SORCS2: variants seen among roughly 807,000 people sequenced by gnomAD.
SORCS2 encodes the protein sortilin related VPS10 domain containing receptor 2, also known as VPS10 domain-containing receptor SorCS2.
In SORCS2, 100 loss-of-function variants were observed where a neutral mutation model predicts 141.6. That is an observed-to-expected ratio of 0.71 (90% CI 0.60 to 0.83). SORCS2 has a LOEUF of 0.83. Ranked by LOEUF, SORCS2 falls within the 40% of genes least tolerant of loss-of-function variation. The probability of loss-of-function intolerance (pLI) is 0.00; values close to 1 mark genes in which losing one functional copy is unlikely to be tolerated. For missense variants in SORCS2, 1,646 were observed against 1,560.2 expected, an observed-to-expected ratio of 1.05 and a Z score of -0.93; for synonymous variants, 789 against 676.9, an observed-to-expected ratio of 1.17 and a Z score of -2.57.
At chr4:7,700,540 C>A (rs1444063123) in intron 12 of SORCS2, among the ~76,000 whole-genome samples, 4 of 152,208 alleles carry the variant, frequency 2.6e-5, no homozygotes, top group Non-Finnish European at 5.9e-5. Flanking sequence ...TCATAGTCCC[C>A]TAAAATCTGT....
chr4:7,646,581 G>T (rs1448024667), intron 4 of SORCS2, among the ~76,000 whole-genome samples: 1 of 152,104 alleles, frequency 6.6e-6, no homozygotes, highest in Non-Finnish European at 1.5e-5. Context: ...AGAGAGCTAT[G>T]ATTGCACCAC....
At chr4:7,604,084 G>C (rs1481881832) in intron 3 of SORCS2, among the ~76,000 whole-genome samples, 1 of 152,150 alleles carries the variant, frequency 6.6e-6, no homozygotes, top group African/African-American at 2.4e-5. Context: ...GCTCTGGTGT[G>C]TGTGTGTGTA....
intron 1 of SORCS2, among the ~76,000 whole-genome samples, chr4:7,302,975 G>A (rs995052681): frequency 2.6e-5 from 4 of 152,264 alleles, no homozygotes; most frequent in East Asian, 1.9e-4. Flanking sequence ...GCAGCCAAGC[G>A]GCGATTTCAC....
chr4:7,218,563 A>G (rs1728511801), intron 1 of SORCS2, among the ~76,000 whole-genome samples: 1 of 152,206 alleles, frequency 6.6e-6, no homozygotes, highest in South Asian at 2.1e-4. Context: ...AGCCTACTGC[A>G]TATTCTTTGT....
chr4:7,392,722 G>A (rs2109103436), intron 1 of SORCS2, among the ~76,000 whole-genome samples: 1 of 152,162 alleles, frequency 6.6e-6, no homozygotes, highest in African/African-American at 2.4e-5. Context: ...CCGTGCTTAG[G>A]AGGCAGGCAT....
At chr4:7,701,068 G>GGCA (rs1273881791) in intron 12 of SORCS2, among the ~76,000 whole-genome samples, 1 of 152,038 alleles carries the variant, frequency 6.6e-6, no homozygotes. Flanking sequence ...GTCCCTGATG[G>GGCA]GCAGCAGCAC....
At chr4:7,556,224 C>G (rs1339829427) in intron 3 of SORCS2, among the ~76,000 whole-genome samples, 2 of 152,092 alleles carry the variant, frequency 1.3e-5, no homozygotes, top group Non-Finnish European at 2.9e-5. Flanking sequence ...GAGTGGAGTT[C>G]CCGTCCTCCT....
intron 1 of SORCS2, among the ~76,000 whole-genome samples, chr4:7,241,759 G>A (rs991699028): frequency 2.0e-5 from 3 of 152,218 alleles, no homozygotes; most frequent in African/African-American, 7.2e-5. Context: ...GTGCTTCTGA[G>A]TGCCTCACAT....
intron 2 of SORCS2, among the ~76,000 whole-genome samples, chr4:7,473,424 G>A (rs1730101207): frequency 6.6e-6 from 1 of 152,186 alleles, no homozygotes; most frequent in African/African-American, 2.4e-5. Context: ...CTCGCAGGGA[G>A]CGGCTCCAGA....
intron 10 of SORCS2, among the ~76,000 whole-genome samples, chr4:7,684,822 C>A (rs1024357467): frequency 6.6e-6 from 1 of 152,140 alleles, no homozygotes; most frequent in Non-Finnish European, 1.5e-5. Flanking sequence ...CCCTCCCCAC[C>A]ACCACCACCA....
At chr4:7,631,056 T>C (rs866068457) in intron 3 of SORCS2, among the ~76,000 whole-genome samples, 1 of 150,804 alleles carries the variant, frequency 6.6e-6, no homozygotes, top group African/African-American at 2.4e-5. Flanking sequence ...TCTTTTTTTT[T>C]TTTTTTTTTT....
intron 3 of SORCS2, among the ~76,000 whole-genome samples, chr4:7,534,778 G>A (rs1711971205): frequency 6.6e-6 from 1 of 152,258 alleles, no homozygotes; most frequent in African/African-American, 2.4e-5. Flanking sequence ...AGAGGAACCA[G>A]CCCTGCCAAC....
intron 1 of SORCS2, among the ~76,000 whole-genome samples, chr4:7,297,954 GC>G (rs1169252297): frequency 6.6e-6 from 1 of 152,208 alleles, no homozygotes; most frequent in Admixed American, 6.5e-5. Context: ...GCTGGTATCC[GC>G]CTTGCAGGCC....
chr4:7,599,469 G>A (rs1717511075), intron 3 of SORCS2, among the ~76,000 whole-genome samples: 1 of 152,192 alleles, frequency 6.6e-6, no homozygotes, highest in Admixed American at 6.5e-5. Context: ...ATGCAGAGAC[G>A]GGTGGCCGCT....
intron 5 of SORCS2, 107 bp from the exon 6 acceptor site, chr4:7,661,393 G>A (rs902633173): frequency 7.6e-6 from 9 of 1,176,522 alleles, no homozygotes; most frequent in Admixed American, 2.0e-5. Flanking sequence ...GAGCAAGGGC[G>A]GCTTCAGAAC....
intron 3 of SORCS2, among the ~76,000 whole-genome samples, chr4:7,543,842 A>T (rs1712979629): frequency 1.1e-5 from 1 of 93,972 alleles, no homozygotes. Context: ...CCATCCATCC[A>T]CTCATCCGTC....
chr4:7,638,664 G>T (rs547086746), intron 4 of SORCS2, among the ~76,000 whole-genome samples, 172 bp downstream of exon 4: 7 of 151,970 alleles, frequency 4.6e-5, no homozygotes, highest in Non-Finnish European at 1.0e-4. Flanking sequence ...CCCTCTCCTT[G>T]GTGCCCCCTC....
At chr4:7,511,213 A>G (rs555386681) in intron 2 of SORCS2, among the ~76,000 whole-genome samples, 4 of 152,228 alleles carry the variant, frequency 2.6e-5, no homozygotes, top group African/African-American at 9.6e-5. Context: ...TGACACGCCC[A>G]GAGACATGGA....
intron 2 of SORCS2, among the ~76,000 whole-genome samples, chr4:7,465,253 G>A (rs4613570): frequency 0.35 from 53,332 of 152,130 alleles, 9,831 homozygotes; most frequent in Middle Eastern, 0.43. Context: ...AGCTGCCAGG[G>A]CATGAATATT....
Sources: gnomAD v4.1 joint callset for allele counts (sites outside exome capture counted in the v4.1 genomes callset) on GRCh38, gnomAD v4.1.1 for gene constraint, MANE v1.5 for transcripts, NCBI Gene and HGNC (gene_info 2026-07-23, HGNC 2026-07-21) for gene names.